The following ARHGAP36 variants were observed in gnomAD, a reference collection of about 807,000 sequenced individuals.
ARHGAP36 encodes Rho GTPase activating protein 36, also known as rho GTPase-activating protein 36.
Under a neutral mutation model 32.9 loss-of-function variants are expected in ARHGAP36, and 7 were observed. That is an observed-to-expected ratio of 0.21 (90% confidence interval 0.12 to 0.40). ARHGAP36 has a LOEUF of 0.40. ARHGAP36 is among the 10% of genes least tolerant of loss of function. ARHGAP36 has a pLI of 1.00. For missense variants in ARHGAP36, 383 were observed against 442.2 expected, an observed-to-expected ratio of 0.87 and a Z score of 1.20; for synonymous variants, 165 against 168.3, an observed-to-expected ratio of 0.98 and a Z score of 0.15.
At chrX:131,088,511 C>T (rs1487510451) in intron 11 of ARHGAP36, 117 bp from the exon 12 acceptor site, 1 of 691,317 alleles carries the variant, frequency 1.4e-6, no homozygotes, top group African/African-American at 2.2e-5. Context: ...TCATCCCTGT[C>T]CTACCTTCTT....
intron 1 of ARHGAP36, among the ~76,000 whole-genome samples, chrX:131,067,463 A>C (rs1226321239): frequency 2.7e-5 from 3 of 113,166 alleles, no homozygotes; most frequent in Non-Finnish European, 3.7e-5. Flanking sequence ...CCTTGCCGAC[A>C]CAGAGGTGGG....
chrX:131,084,005 C>T (rs1395667138), intron 4 of ARHGAP36, 36 bp downstream of exon 4: 6 of 1,181,880 alleles, frequency 5.1e-6, no homozygotes, highest in Non-Finnish European at 5.7e-6. Context: ...GCAGGGGCCT[C>T]TCCTGAGGTA....
chrX:131,059,509 G>T (rs926044735), intron 1 of ARHGAP36, among the ~76,000 whole-genome samples: 3 of 111,123 alleles, frequency 2.7e-5, no homozygotes, highest in African/African-American at 9.8e-5. Flanking sequence ...GCAGGGAAAG[G>T]AGGGGCCTCA....
chrX:131,083,152 T>C lies in ARHGAP36; in HGVS notation c.254-13T>C. The C allele has an allele frequency of 5.8e-6, 7 of 1,206,651 alleles. No homozygotes were observed. Among genetic ancestry groups the C allele is most frequent in the Non-Finnish European group, 7.8e-6 (7 of 892,518 alleles). On this transcript the variant is annotated splice_polypyrimidine_tract_variant and intron_variant, in intron 2 of 11. Transcript: ENST00000276211. ...ATTTGTAAGTGTATCTTTTCTTTTT[T>C]CTCTTTCTGTAGCTCTGCCTATTGA...
intron 4 of ARHGAP36, 38 bp downstream of exon 4, chrX:131,084,007 C>G: frequency 8.5e-7 from 1 of 1,182,105 alleles, no homozygotes; most frequent in Non-Finnish European, 1.1e-6. Context: ...AGGGGCCTCT[C>G]CTGAGGTATG....
At chrX:131,085,853 C>A in intron 8 of ARHGAP36, 60 bp from the exon 9 acceptor site, 1 of 1,183,709 alleles carries the variant, frequency 8.4e-7, no homozygotes, top group Non-Finnish European at 1.1e-6. Context: ...GAGACATATT[C>A]ATTTGTACAA....
At chrX:131,072,431 C>T (rs772141520) in intron 1 of ARHGAP36, among the ~76,000 whole-genome samples, 15 of 112,129 alleles carry the variant, frequency 1.3e-4, no homozygotes, top group African/African-American at 4.9e-4. Context: ...GTGCAAAGGG[C>T]CAACAAAGAA....
At chrX:131,085,549 A>G in intron 7 of ARHGAP36, 39 bp from the exon 8 acceptor site, 1 of 1,193,153 alleles carries the variant, frequency 8.4e-7, no homozygotes, top group Middle Eastern at 2.7e-4. Context: ...TGCAGCCAAG[A>G]CTATCCCCCT....
At chrX:131,065,890 G>C (rs994323115) in intron 1 of ARHGAP36, among the ~76,000 whole-genome samples, 1 of 111,727 alleles carries the variant, frequency 9.0e-6, no homozygotes, top group Non-Finnish European at 1.9e-5. Context: ...CTGAAAAGTG[G>C]CGAAGTGACT....
intron 2 of ARHGAP36, among the ~76,000 whole-genome samples, 155 bp downstream of exon 2, chrX:131,082,073 G>A (rs1301232601): frequency 2.7e-5 from 3 of 111,993 alleles, no homozygotes; most frequent in Non-Finnish European, 5.6e-5. Context: ...TGAAGAAGCC[G>A]GAGTTGAAGG....
At chrX:131,084,075 A>G in intron 4 of ARHGAP36, 106 bp downstream of exon 4, 2 of 1,056,329 alleles carry the variant, frequency 1.9e-6, no homozygotes, top group East Asian at 3.2e-5. Flanking sequence ...GGGGAGCTGA[A>G]CACAATATGT....
At chrX:131,081,491 T>G in intron 1 of ARHGAP36, 33 bp from the exon 2 acceptor site, 8 of 1,040,281 alleles carry the variant, frequency 7.7e-6, no homozygotes, top group Non-Finnish European at 8.6e-6. Flanking sequence ...AAGGGCTGAA[T>G]TTTTGAAGTT....
At chrX:131,070,767 T>C (rs746087616) in intron 1 of ARHGAP36, among the ~76,000 whole-genome samples, 2 of 109,483 alleles carry the variant, frequency 1.8e-5, no homozygotes, top group Non-Finnish European at 3.8e-5. Context: ...ATGCGGTCTT[T>C]GTGTATGTAT....
rs2079740541 is a variant in ARHGAP36, at chrX:131,072,962, G to GC, written c.-142-8562_-142-8561insC. 3 of 111,980 alleles carry GC rather than the reference G, an allele frequency of 2.7e-5. No individual in the cohort carries two copies. In the South Asian group the frequency reaches 1.1e-3, roughly 42 times the overall value. The allele number at this position is 111,980 out of a possible 1,213,427, so 9.2% of individuals were successfully genotyped here. On this transcript the variant is annotated intron_variant, in intron 1 of 11. Coordinates refer to ENST00000276211, the MANE Select transcript of ARHGAP36 (RefSeq NM_144967.4). ...ACCCGCTGCCGCCCGCCGGACTGTC[G>GC]AGCAGGTCACGCAGCCTTTCCCTGG...
intron 1 of ARHGAP36, 28 bp from the exon 2 acceptor site, chrX:131,081,496 G>A (rs2079798255): frequency 9.7e-7 from 1 of 1,030,985 alleles, no homozygotes. Context: ...CTGAATTTTT[G>A]AAGTTGGATT....
At chrX:131,062,744 A>G (rs2079675912) in intron 1 of ARHGAP36, among the ~76,000 whole-genome samples, 1 of 112,128 alleles carries the variant, frequency 8.9e-6, no homozygotes, top group Non-Finnish European at 1.9e-5. Context: ...TACTATTTGT[A>G]AATACCAGTC....
At chrX:131,075,442 A>G (rs532971454) in intron 1 of ARHGAP36, among the ~76,000 whole-genome samples, 33 of 110,388 alleles carry the variant, frequency 3.0e-4, no homozygotes, top group African/African-American at 1.1e-3. Flanking sequence ...GGCTGGGGTA[A>G]GAAATATGGT....
intron 1 of ARHGAP36, among the ~76,000 whole-genome samples, chrX:131,075,324 T>C (rs2079755546): frequency 9.0e-6 from 1 of 111,269 alleles, no homozygotes; most frequent in Admixed American, 9.5e-5. Context: ...CTCTGTCACA[T>C]AGTTAGTGAG....
chrX:131,082,517 G>A (rs1440724264), intron 2 of ARHGAP36, among the ~76,000 whole-genome samples: 1 of 113,033 alleles, frequency 8.8e-6, no homozygotes, highest in Admixed American at 9.2e-5. Flanking sequence ...GGGTAAGCGC[G>A]CGGATTTGGC....
Sources: gnomAD v4.1 joint callset for allele counts (sites outside exome capture counted in the v4.1 genomes callset) on GRCh38, gnomAD v4.1.1 for gene constraint, MANE v1.5 for transcripts, NCBI Gene and HGNC (gene_info 2026-07-23, HGNC 2026-07-21) for gene names.